Variants in HEPHL1 observed in about 807,000 individuals in gnomAD.
The protein encoded by HEPHL1 is ferroxidase HEPHL1.
Under a neutral mutation model 122.0 loss-of-function variants are expected in HEPHL1, and 123 were observed. That is an observed-to-expected ratio of 1.01 (90% CI 0.87 to 1.17). The LOEUF (loss-of-function observed/expected upper bound fraction) is 1.17, where lower values mean the gene tolerates loss of function less well. HEPHL1 is among the 50% of genes most tolerant of loss of function. The pLI, the probability that HEPHL1 is intolerant of heterozygous loss-of-function variation, is 0.00. For synonymous variants in HEPHL1, 527 were observed against 508.9 expected (o/e 1.04, Z -0.48); for missense variants, 1,452 against 1,430.5 (o/e 1.01, Z -0.24).
chr11:94,052,346 G>A (rs974114489), intron 2 of HEPHL1, among the ~76,000 whole-genome samples: 15 of 151,714 alleles, frequency 9.9e-5, no homozygotes, highest in African/African-American at 2.2e-4. Context: ...CCTTAGTTAC[G>A]TTAACTTCTA....
chr11:94,106,926 T>C (rs969692031), intron 17 of HEPHL1, among the ~76,000 whole-genome samples: 6 of 152,298 alleles, frequency 3.9e-5, no homozygotes, highest in Admixed American at 6.5e-5. Flanking sequence ...GGCTGGACCA[T>C]GTGTGACTTT....
chr11:94,047,689 G>A (rs1341311360), intron 2 of HEPHL1, among the ~76,000 whole-genome samples: 1 of 152,128 alleles, frequency 6.6e-6, no homozygotes, highest in African/African-American at 2.4e-5. Flanking sequence ...AGTTGTGCCT[G>A]CCTTTTCAAA....
intron 13 of HEPHL1, among the ~76,000 whole-genome samples, chr11:94,095,131 C>G (rs998746024): frequency 4.6e-5 from 7 of 152,070 alleles, no homozygotes; most frequent in Non-Finnish European, 7.4e-5. Context: ...GGTTTTAGGT[C>G]TAACATTTAA....
In HEPHL1 at chr11:94,039,307, A is replaced by G. The variant is rs1945753419; in HGVS notation, c.171-6366A>G. ...ACACCTCACTGTCAACATTAGACAGATCAACGAGACAGAAAGTCAACAAGG... is the reference window on the plus strand; with the variant it reads ...ACACCTCACTGTCAACATTAGACAGGTCAACGAGACAGAAAGTCAACAAGG... On this transcript the variant is annotated intron_variant, in intron 1 of 19. Transcript: ENST00000315765. Among the ~76,000 whole-genome samples, 3 of 151,798 alleles carry G rather than the reference A, an allele frequency of 2.0e-5. No individual in the cohort carries two copies. The South Asian group carries it at 6.3e-4, about 32-fold the overall frequency.
At chr11:94,106,871 G>C (rs960194100) in intron 17 of HEPHL1, among the ~76,000 whole-genome samples, 9 of 152,088 alleles carry the variant, frequency 5.9e-5, no homozygotes, top group Admixed American at 3.3e-4. Flanking sequence ...TTGAGCTCTG[G>C]CCTAAGCCCT....
In HEPHL1 at chr11:94,110,895, T is replaced by C; in HGVS notation, c.3046-8T>C. On this transcript the variant is annotated splice_region_variant and splice_polypyrimidine_tract_variant and intron_variant, in intron 17 of 19. Coordinates refer to ENST00000315765, the MANE Select transcript of HEPHL1 (RefSeq NM_001098672.2). Reference sequence around the variant, plus strand: ...TACTAGCTGTTGTTTTTTAAAACGTTTTTGCAGATAGATAAATCTTACCGA... The same window carrying C: ...TACTAGCTGTTGTTTTTTAAAACGTCTTTGCAGATAGATAAATCTTACCGA... 1 of 1,607,874 alleles carries C rather than the reference T, an allele frequency of 6.2e-7. No homozygotes were observed. The highest frequency in any genetic ancestry group is 8.5e-7 in the Non-Finnish European group (1 of 1,176,194).
chr11:94,028,341 C>G (rs1945644436), intron 1 of HEPHL1, among the ~76,000 whole-genome samples: 1 of 152,212 alleles, frequency 6.6e-6, no homozygotes, highest in African/African-American at 2.4e-5. Context: ...AAACATCCCT[C>G]TAAAAGATGC....
intron 2 of HEPHL1, chr11:94,054,914 C>A (rs1441569888): frequency 6.6e-6 from 1 of 152,310 alleles, no homozygotes. Flanking sequence ...CACTTTAAGC[C>A]AATCATGAAA....
intron 2 of HEPHL1, among the ~76,000 whole-genome samples, chr11:94,060,351 GGT>G (rs1166727950): frequency 6.6e-6 from 1 of 150,996 alleles, no homozygotes; most frequent in African/African-American, 2.4e-5. Context: ...ATATATATAT[GGT>G]GTGTGTGTAT....
Position 94,088,869 on chromosome 11 carries a change from T to C in HEPHL1, c.2195T>C (p.Ile732Thr), listed in dbSNP as rs774577612. The change falls in exon 12 of 20, where the codon ATA becomes ACA. Residue 732 changes from isoleucine (I) to threonine (T), a missense_variant. Coordinates refer to ENST00000315765, the MANE Select transcript of HEPHL1 (RefSeq NM_001098672.2). ...RDPSEQRYGMIRTFYIAAEEV... is the reference protein window; with the variant it reads ...RDPSEQRYGMTRTFYIAAEEV... ...CCTTCTGAGCAGCGGTACGGGATGA[T>C]AAGAACTTTTTACATCGCCGCTGAA... is the stretch of plus-strand genomic sequence containing the variant. The C allele has an allele frequency of 1.7e-5, 27 of 1,613,790 alleles. No homozygotes were observed. The highest frequency in any genetic ancestry group is 2.1e-5 in the Non-Finnish European group (25 of 1,179,878).
chr11:94,042,883 A>AAAAAAAAAACAAAC lies in HEPHL1; in HGVS notation c.171-2781_171-2780insCAAACAAAAAAAAA, dbSNP rs1555058783. ...TAAAACTTAAAGTATAATAAAAAAAAAAAAAAAAAACTGCATGAATTGCTC... is the reference window on the plus strand; with the variant it reads ...TAAAACTTAAAGTATAATAAAAAAAAAAAAAAAAACAAACAAAAAAAAAACTGCATGAATTGCTC... On this transcript the variant is annotated intron_variant, in intron 1 of 19. Transcript: ENST00000315765. Among the ~76,000 whole-genome samples, 57 of 132,412 alleles carry AAAAAAAAAACAAAC rather than the reference A, an allele frequency of 4.3e-4. No homozygotes were observed. In the South Asian group the frequency reaches 0.014, roughly 33 times the overall value. 86.9% of individuals were successfully genotyped at this position (132,412 alleles called of 152,430 possible). A position where few individuals can be genotyped will look rare whatever the true frequency, so the allele number is the denominator to read the frequency against.
chr11:94,111,087 G>A (rs1179945853), intron 18 of HEPHL1, 22 bp downstream of exon 18: 3 of 1,543,714 alleles, frequency 1.9e-6, no homozygotes, highest in Non-Finnish European at 2.6e-6. Context: ...TGTCAGTGAT[G>A]CCAGATGATG....
At chr11:94,062,985 T>G (rs1272122222) in intron 2 of HEPHL1, among the ~76,000 whole-genome samples, 3 of 152,190 alleles carry the variant, frequency 2.0e-5, no homozygotes, top group Non-Finnish European at 4.4e-5. Context: ...AGTTGTCCCA[T>G]GTGTTTAATA....
intron 1 of HEPHL1, among the ~76,000 whole-genome samples, chr11:94,043,140 T>C (rs575002013): frequency 6.6e-6 from 1 of 151,972 alleles, no homozygotes; most frequent in African/African-American, 2.4e-5. Flanking sequence ...AGTAAAAGAA[T>C]AGAAAGTACA....
At chr11:94,094,769 ATG>A (rs1275304468) in intron 13 of HEPHL1, among the ~76,000 whole-genome samples, 3 of 152,096 alleles carry the variant, frequency 2.0e-5, no homozygotes, top group African/African-American at 7.2e-5. Context: ...GCATTTTTTC[ATG>A]TGTCTGTTGG....
chr11:94,087,362 C>G (rs993871825), intron 11 of HEPHL1, among the ~76,000 whole-genome samples: 1 of 152,060 alleles, frequency 6.6e-6, no homozygotes, highest in Non-Finnish European at 1.5e-5. Flanking sequence ...TCCATGTGTC[C>G]TATACATTTC....
chr11:94,113,033 G>C lies in HEPHL1; in HGVS notation c.*1139G>C, dbSNP rs1021989659. ...GAAAGGTGAGAAAAAGATAATCTTGGTGGCAGATTCTCTTAAACCATTAAA... is the reference window on the plus strand; with the variant it reads ...GAAAGGTGAGAAAAAGATAATCTTGCTGGCAGATTCTCTTAAACCATTAAA... On this transcript the variant is annotated 3_prime_UTR_variant, in exon 20 of 20. Transcript: ENST00000315765. The C allele has an allele frequency of 6.6e-6, 1 of 152,176 alleles. No homozygotes were observed. Among genetic ancestry groups the C allele is most frequent in the African/African-American group, 2.4e-5 (1 of 41,446 alleles). 9.4% of individuals were successfully genotyped at this position (152,176 alleles called of 1,614,324 possible). A position where few individuals can be genotyped will look rare whatever the true frequency, so the allele number is the denominator to read the frequency against.
At chr11:94,094,853 T>C (rs1271022710) in intron 13 of HEPHL1, among the ~76,000 whole-genome samples, 1 of 152,204 alleles carries the variant, frequency 6.6e-6, no homozygotes, top group Non-Finnish European at 1.5e-5. Flanking sequence ...GTTGTTTTTT[T>C]CTTGTAAATT....
rs1946468757 is a variant in HEPHL1 at position 94,113,589 on chromosome 11, A to G, written c.*1695A>G. 1 of 152,218 alleles carries G rather than the reference A, an allele frequency of 6.6e-6. No individual in the cohort carries two copies. The allele number at this position is 152,218 out of a possible 1,614,324, so 9.4% of individuals were successfully genotyped here. A position where few individuals can be genotyped will look rare whatever the true frequency, so the allele number is the denominator to read the frequency against. On this transcript the variant is annotated 3_prime_UTR_variant, in exon 20 of 20. Transcript: ENST00000315765. The stretch of plus-strand genomic sequence containing the variant: ...CAGTTTTCATACATGTGTAGGCTGC[A>G]TAATTTCATAATTATGGTAAATGCC...
Sources: allele counts gnomAD v4.1 joint callset (sites outside exome capture counted in the v4.1 genomes callset), GRCh38; gene constraint gnomAD v4.1.1; transcripts MANE v1.5; gene names NCBI Gene and HGNC (gene_info 2026-07-23, HGNC 2026-07-21).